Variants in GRB14 observed in about 807,000 individuals in gnomAD.
The protein encoded by GRB14 is growth factor receptor-bound protein 14.
GRB14 carries 38 observed loss-of-function variants against 69.1 expected under a neutral mutation model. That is an observed-to-expected ratio of 0.55 (90% CI 0.42 to 0.72). GRB14 has a LOEUF of 0.72. GRB14 is among the 30% of genes least tolerant of loss of function. GRB14 has a pLI of 0.00. For missense variants in GRB14, 666 were observed against 666.1 expected (o/e 1.00, Z 0.00); for synonymous variants, 247 against 241.3 (o/e 1.02, Z -0.22).
intron 2 of GRB14, among the ~76,000 whole-genome samples, chr2:164,568,905 C>T (rs1037074819): frequency 6.6e-6 from 1 of 152,064 alleles, no homozygotes; most frequent in African/African-American, 2.4e-5. Flanking sequence ...TTAGAATTGG[C>T]ACAAAGTGTT....
At chr2:164,568,376 A>G in intron 2 of GRB14, 1 of 1,288,066 alleles carries the variant, frequency 7.8e-7, no homozygotes, top group Non-Finnish European at 1.0e-6. Context: ...ACTCAAACTC[A>G]TGCCTGCTCT....
chr2:164,521,163 TAGAC>T (rs1156525504), intron 6 of GRB14, among the ~76,000 whole-genome samples: 5 of 151,912 alleles, frequency 3.3e-5, no homozygotes, highest in East Asian at 1.9e-4. Context: ...GACAGATAGA[TAGAC>T]AGACAGACCA....
chr2:164,593,131 A>C lies in GRB14; in HGVS notation c.324+26556T>G, dbSNP rs1027016069. 2.0e-5 allele frequency among the ~76,000 whole-genome samples: 3 copies of C among 152,218 alleles called. No individual in the cohort carries two copies. The East Asian group carries it at 5.8e-4, about 29-fold the overall frequency. On this transcript the variant is annotated intron_variant, in intron 2 of 13. Coordinates refer to ENST00000263915, the MANE Select transcript of GRB14 (RefSeq NM_004490.3). ...ATGCTTATAATAAACCTATAACTAC[A>C]ATTATTTATATTTACATAAGTAAGT...
chr2:164,498,428 AC>A (rs1161032366), intron 9 of GRB14, among the ~76,000 whole-genome samples: 1 of 152,054 alleles, frequency 6.6e-6, no homozygotes, highest in Non-Finnish European at 1.5e-5. Flanking sequence ...CAAATATGCC[AC>A]CCCACAACAA....
chr2:164,524,066 A>G (rs556055760), intron 5 of GRB14, among the ~76,000 whole-genome samples: 5 of 152,234 alleles, frequency 3.3e-5, no homozygotes, highest in Admixed American at 1.3e-4. Context: ...TCATGTTTCA[A>G]AAATATTCTG....
At chr2:164,600,709 A>G (rs1689894384) in intron 2 of GRB14, among the ~76,000 whole-genome samples, 1 of 152,212 alleles carries the variant, frequency 6.6e-6, no homozygotes, top group Admixed American at 6.5e-5. Flanking sequence ...ATGTAAAACA[A>G]CTTTTCTAAG....
chr2:164,557,135 G>T (rs1317346214), intron 2 of GRB14, among the ~76,000 whole-genome samples: 2 of 152,208 alleles, frequency 1.3e-5, no homozygotes, highest in African/African-American at 4.8e-5. Context: ...GAAAACACCT[G>T]TGTGGGACAA....
intron 2 of GRB14, among the ~76,000 whole-genome samples, chr2:164,605,853 A>C (rs1047289012): frequency 6.6e-6 from 1 of 152,196 alleles, no homozygotes; most frequent in Non-Finnish European, 1.5e-5. Flanking sequence ...TGGCTAAAGA[A>C]TAAAGAGATA....
At chr2:164,592,904 C>T (rs1360517695) in intron 2 of GRB14, among the ~76,000 whole-genome samples, 1 of 152,204 alleles carries the variant, frequency 6.6e-6, no homozygotes, top group African/African-American at 2.4e-5. Flanking sequence ...CCTTACCTTT[C>T]TGATCAGTTA....
At chr2:164,495,753 G>A (rs1270527612) in intron 12 of GRB14, among the ~76,000 whole-genome samples, 1 of 152,160 alleles carries the variant, frequency 6.6e-6, no homozygotes, top group Non-Finnish European at 1.5e-5. Context: ...ACAAAAGGGC[G>A]TTTCACTGGT....
chr2:164,621,330 G>C lies in GRB14; in HGVS notation c.-21C>G. On this transcript the variant is annotated 5_prime_UTR_variant, in exon 1 of 14. Transcript: ENST00000263915. This position sits in a 1 kb window ranked among gnomAD's most constrained non-coding sequence, Gnocchi z 6.0. ...GTCATTGTCGCCGGCCGGGGGGCTCGGGCGTCATGGGAGACTCGGCGCGTG... is the reference window on the plus strand; with the variant it reads ...GTCATTGTCGCCGGCCGGGGGGCTCCGGCGTCATGGGAGACTCGGCGCGTG... 7.8e-7 allele frequency: 1 copy of C among 1,278,944 alleles called. No homozygotes were observed. Among genetic ancestry groups the C allele is most frequent in the Non-Finnish European group, 9.9e-7 (1 of 1,012,880 alleles). The allele number at this position is 1,278,944 out of a possible 1,614,324, so 79.2% of individuals were successfully genotyped here.
intron 2 of GRB14, among the ~76,000 whole-genome samples, chr2:164,552,315 C>G (rs186748676): frequency 6.6e-6 from 1 of 152,086 alleles, no homozygotes; most frequent in Admixed American, 6.5e-5. Flanking sequence ...GGAACCTACC[C>G]CAGGGTGATA....
At chr2:164,534,088 G>GA (rs1228484591) in intron 3 of GRB14, among the ~76,000 whole-genome samples, 4 of 151,834 alleles carry the variant, frequency 2.6e-5, no homozygotes, top group African/African-American at 7.3e-5. Context: ...CCATTCCTTC[G>GA]AAAAAAGATT....
intron 2 of GRB14, among the ~76,000 whole-genome samples, chr2:164,558,836 G>C (rs1458571681): frequency 3.3e-5 from 5 of 152,194 alleles, no homozygotes; most frequent in African/African-American, 9.7e-5. Flanking sequence ...GTTTAGAAGA[G>C]AGGGAAAACG....
In GRB14 at chr2:164,508,769, T is replaced by G. The variant is rs1687259177; in HGVS notation, c.900A>C (p.Ala300=). ...VSLAGKKKHG[A]PTNYGFCFKP... is the part of the protein sequence containing the mutation. ...TAAAGCAGAATCCATAGTTAGTCGG[T>G]GCTCCATGTTTTTTTTTGCCTGCCA... is the stretch of plus-strand genomic sequence containing the variant. Residue 300 remains alanine (A), a synonymous_variant, in exon 7 of 14, where the codon GCA becomes GCC. Transcript: ENST00000263915. The G allele has an allele frequency of 6.3e-7, 1 of 1,590,538 alleles. No individual in the cohort carries two copies. Among genetic ancestry groups the G allele is most frequent in the African/African-American group, 1.4e-5 (1 of 73,230 alleles).
At chr2:164,585,445 G>T (rs1458804175) in intron 2 of GRB14, among the ~76,000 whole-genome samples, 1 of 152,016 alleles carries the variant, frequency 6.6e-6, no homozygotes, top group Admixed American at 6.6e-5. Flanking sequence ...ACTTCTGACA[G>T]GAAATAGACT....
chr2:164,616,559 T>C (rs1179625981), intron 2 of GRB14, among the ~76,000 whole-genome samples: 1 of 151,578 alleles, frequency 6.6e-6, no homozygotes, highest in African/African-American at 2.4e-5. Flanking sequence ...ATAAAACATA[T>C]CCCATTTGTG....
intron 6 of GRB14, among the ~76,000 whole-genome samples, chr2:164,512,083 G>T (rs1049977941): frequency 6.6e-6 from 1 of 152,124 alleles, no homozygotes; most frequent in African/African-American, 2.4e-5. Context: ...GAAGGCCTGC[G>T]TCTCATGGTT....
chr2:164,591,817 C>T (rs1689671176), intron 2 of GRB14, among the ~76,000 whole-genome samples: 1 of 152,070 alleles, frequency 6.6e-6, no homozygotes, highest in Admixed American at 6.5e-5. Context: ...TTTGCATTGT[C>T]CCCACCCAAA....
Sources: gnomAD v4.1 joint callset for allele counts (sites outside exome capture counted in the v4.1 genomes callset) on GRCh38, gnomAD v4.1.1 for gene constraint, Gnocchi (gnomAD v3.1) non-coding constraint, MANE v1.5 for transcripts, NCBI Gene and HGNC (gene_info 2026-07-23, HGNC 2026-07-21) for gene names.